Variants in ZNF462 observed in about 807,000 individuals in gnomAD.
The protein encoded by ZNF462 is zinc finger protein 462, also known as zinc finger PBX1-interacting protein.
ZNF462 carries 10 observed loss-of-function variants against 201.9 expected under a neutral mutation model. The observed-to-expected ratio is 0.05, with a 90% confidence interval of 0.03 to 0.08. The LOEUF (loss-of-function observed/expected upper bound fraction) is 0.08, where lower values mean the gene tolerates loss of function less well. ZNF462 is among the 10% of genes least tolerant of loss of function. ZNF462 has a pLI of 1.00. For synonymous variants in ZNF462, 1,227 were observed against 1,193.3 expected (o/e 1.03, Z -0.58); for missense variants, 2,523 against 3,168.3 (o/e 0.80, Z 4.89).
intron 7 of ZNF462, among the ~76,000 whole-genome samples, chr9:106,965,712 G>C (rs1006393069): frequency 6.6e-6 from 1 of 152,046 alleles, no homozygotes. Context: ...GAGTCCATCA[G>C]ACACAAAGCT....
chr9:106,894,244 A>G (rs750124603), intron 1 of ZNF462, among the ~76,000 whole-genome samples: 1 of 152,154 alleles, frequency 6.6e-6, no homozygotes, highest in Non-Finnish European at 1.5e-5. Flanking sequence ...GTTCAAAACA[A>G]CCCTTGTTGG....
In ZNF462 at chr9:106,972,225, G is replaced by C; in HGVS notation, c.6648G>C (p.Gly2216=). The change falls in exon 8 of 13, where the codon GGG becomes GGC. Residue 2216 remains glycine, a synonymous_variant. Coordinates refer to ENST00000277225, the MANE Select transcript of ZNF462 (RefSeq NM_021224.6). This position sits in a 1 kb window ranked among gnomAD's most constrained non-coding sequence, Gnocchi z 4.8. ...GTCATTACCGGGACAAGCATGGTGG[G>C]AAGAAGCTTTTCAAGTGCAAAGACT... ...IRRHYRDKHG[G]KKLFKCKDCS... is the part of the protein sequence containing the mutation. 1 of 1,614,232 alleles carries C rather than the reference G, an allele frequency of 6.2e-7. No individual in the cohort carries two copies. Among genetic ancestry groups the C allele is most frequent in the South Asian group, 1.1e-5 (1 of 91,090 alleles).
intron 7 of ZNF462, among the ~76,000 whole-genome samples, chr9:106,971,206 A>T (rs1546484): frequency 0.25 from 38,019 of 151,304 alleles, 6,931 homozygotes; most frequent in African/African-American, 0.52. Flanking sequence ...TTTTTTTTTT[A>T]AATTTGGTTG....
chr9:106,958,183 C>A (rs1447251136), intron 7 of ZNF462, among the ~76,000 whole-genome samples: 4 of 151,810 alleles, frequency 2.6e-5, no homozygotes, highest in Non-Finnish European at 4.4e-5. Context: ...AGTGGGAATG[C>A]ATTTCTACCA....
intron 10 of ZNF462, among the ~76,000 whole-genome samples, chr9:106,990,948 G>T (rs1219456511): frequency 6.6e-6 from 1 of 152,008 alleles, no homozygotes; most frequent in Non-Finnish European, 1.5e-5. Flanking sequence ...TCATTTGTTA[G>T]GGGGAAAGAT....
intron 1 of ZNF462, among the ~76,000 whole-genome samples, chr9:106,903,099 CCTTTG>C (rs1201419934): frequency 6.6e-6 from 1 of 152,060 alleles, no homozygotes; most frequent in Non-Finnish European, 1.5e-5. Flanking sequence ...CTTAGCACCA[CCTTTG>C]CTTTGTCCCA....
At chr9:106,912,062 G>A (rs1829573065) in intron 1 of ZNF462, among the ~76,000 whole-genome samples, 1 of 152,104 alleles carries the variant, frequency 6.6e-6, no homozygotes, top group Non-Finnish European at 1.5e-5. Flanking sequence ...ACATTCGTAA[G>A]GCTGACTACT....
In ZNF462 at chr9:106,930,961, G is replaced by T; in HGVS notation, c.6012+272G>T. 1 of 339,856 alleles carries T rather than the reference G, an allele frequency of 2.9e-6. No homozygotes were observed. Among genetic ancestry groups the T allele is most frequent in the East Asian group, 5.5e-5 (1 of 18,084 alleles). The allele number at this position is 339,856 out of a possible 1,614,324, so 21.1% of individuals were successfully genotyped here. A position where few individuals can be genotyped will look rare whatever the true frequency, so the allele number is the denominator to read the frequency against. On this transcript the variant is annotated intron_variant, in intron 4 of 12. Coordinates refer to ENST00000277225, the MANE Select transcript of ZNF462 (RefSeq NM_021224.6). The surrounding 1 kb of genome is among the most constrained non-coding windows in gnomAD (Gnocchi z 5.8). ...AGGATTCTCGGTCTAGGAGGCTTCG[G>T]GTCGTCCTTCTATTCTGCGTTTAGT...
chr9:106,945,210 G>A (rs918165362), intron 7 of ZNF462, among the ~76,000 whole-genome samples: 1 of 152,128 alleles, frequency 6.6e-6, no homozygotes, highest in African/African-American at 2.4e-5. Flanking sequence ...GAAATGTAAG[G>A]TATCAGATGA....
Position 107,003,503 on chromosome 9 carries a change from T to C in ZNF462, c.7189+77T>C. On this transcript the variant is annotated intron_variant, in intron 11 of 12. Transcript: ENST00000277225. This position sits in a 1 kb window ranked among gnomAD's most constrained non-coding sequence, Gnocchi z 4.4. ...GTGAGACAGAAGGGAGGCAGGAGGTTGTTGTAGGAGTAACAGAAGGAATGA... is the reference window on the plus strand; with the variant it reads ...GTGAGACAGAAGGGAGGCAGGAGGTCGTTGTAGGAGTAACAGAAGGAATGA... 1 of 1,529,452 alleles carries C rather than the reference T, an allele frequency of 6.5e-7. No individual in the cohort carries two copies. Among genetic ancestry groups the C allele is most frequent in the Non-Finnish European group, 8.9e-7 (1 of 1,127,122 alleles). The allele number at this position is 1,529,452 out of a possible 1,614,324, so 94.7% of individuals were successfully genotyped here. A position where few individuals can be genotyped will look rare whatever the true frequency, so the allele number is the denominator to read the frequency against.
In ZNF462 at chr9:106,950,245, T is replaced by C. The variant is rs1004269606; in HGVS notation, c.6427+11138T>C. 6.6e-5 allele frequency among the ~76,000 whole-genome samples: 10 copies of C among 152,234 alleles called. No individual in the cohort carries two copies. In the East Asian group the frequency reaches 9.6e-4, roughly 15 times the overall value. On this transcript the variant is annotated intron_variant, in intron 7 of 12. Coordinates refer to ENST00000277225, the MANE Select transcript of ZNF462 (RefSeq NM_021224.6). The surrounding 1 kb of genome is among the most constrained non-coding windows in gnomAD (Gnocchi z 4.1). ...ATAAATTTGAGCTGAGTCAGACTTA[T>C]CCCTATGTAATGTCAGTTTACACCT...
Position 106,928,868 on chromosome 9 carries a change from C to A in ZNF462, c.4956C>A (p.Ser1652=). Residue 1652 remains serine (S), a synonymous_variant, in exon 3 of 13, where the codon TCC becomes TCA. Coordinates refer to ENST00000277225, the MANE Select transcript of ZNF462 (RefSeq NM_021224.6). The surrounding 1 kb of genome is among the most constrained non-coding windows in gnomAD (Gnocchi z 9.3). ...EPVSTSHFST[S]HLVSHTVFRC... ...TGTCCACTTCTCACTTCTCTACCTC[C>A]CACCTGGTCTCCCACACTGTGTTCC... 1 of 1,614,038 alleles carries A rather than the reference C, an allele frequency of 6.2e-7. No individual in the cohort carries two copies.
chr9:106,965,208 G>A (rs574738143), intron 7 of ZNF462, among the ~76,000 whole-genome samples: 30 of 152,210 alleles, frequency 2.0e-4, no homozygotes, highest in South Asian at 1.7e-3. Flanking sequence ...CACTGGTGGC[G>A]TTGATTAAGG....
At chr9:106,956,258 A>G (rs1433555742) in intron 7 of ZNF462, among the ~76,000 whole-genome samples, 1 of 152,158 alleles carries the variant, frequency 6.6e-6, no homozygotes, top group Non-Finnish European at 1.5e-5. Context: ...CATGAAAACA[A>G]CATTAATCTC....
At position 106,924,199 on chromosome 9, in the gene ZNF462, A is replaced by T. The variant is rs1348629020; in HGVS notation, c.287A>T (p.His96Leu). ...CACAGTCCAGGATATTATGGTCAGC[A>T]TATTGCCGCTAATCCCAAACCAACA... is the stretch of plus-strand genomic sequence containing the variant. ...YGHSPGYYGQ[H>L]IAANPKPTNK... is the part of the protein sequence containing the mutation. Residue 96 changes from histidine to leucine, a missense_variant, in exon 3 of 13, where the codon CAT becomes CTT. Transcript: ENST00000277225. The surrounding 1 kb of genome is among the most constrained non-coding windows in gnomAD (Gnocchi z 6.2). The T allele has an allele frequency of 1.2e-6, 2 of 1,614,058 alleles. No homozygotes were observed. The highest frequency in any genetic ancestry group is 1.3e-5 in the African/African-American group (1 of 74,920).
intron 7 of ZNF462, among the ~76,000 whole-genome samples, chr9:106,952,215 A>C (rs773119470): frequency 6.6e-6 from 1 of 152,146 alleles, no homozygotes; most frequent in Non-Finnish European, 1.5e-5. Context: ...GCATGTCCTT[A>C]GTTAAAGCAT....
chr9:106,910,676 G>C (rs1047863966), intron 1 of ZNF462, among the ~76,000 whole-genome samples: 18 of 152,058 alleles, frequency 1.2e-4, no homozygotes, highest in Non-Finnish European at 2.6e-4. Flanking sequence ...TGGGTTTGGT[G>C]TGGCCAAACT....
At chr9:106,945,430 A>C (rs1332386728) in intron 7 of ZNF462, among the ~76,000 whole-genome samples, 2 of 152,200 alleles carry the variant, frequency 1.3e-5, no homozygotes, top group African/African-American at 4.8e-5. Context: ...AAGAGGATCC[A>C]GTTAGTTGCT....
At position 106,972,378 on chromosome 9, in the gene ZNF462, C is replaced by T. The variant is rs1826667985; in HGVS notation, c.6695+106C>T. On this transcript the variant is annotated intron_variant, in intron 8 of 12. Transcript: ENST00000277225. The surrounding 1 kb of genome is among the most constrained non-coding windows in gnomAD (Gnocchi z 4.8). ...TCCTACTTGGAGCTTATGGGAGGCCCTGCCCATGTGATGATGTAGGGGTTG... is the reference window on the plus strand; with the variant it reads ...TCCTACTTGGAGCTTATGGGAGGCCTTGCCCATGTGATGATGTAGGGGTTG... The T allele has an allele frequency of 2.0e-6, 3 of 1,472,924 alleles. No individual in the cohort carries two copies. In the African/African-American group the frequency reaches 4.2e-5, roughly 21 times the overall value. The allele number at this position is 1,472,924 out of a possible 1,614,324, so 91.2% of individuals were successfully genotyped here.
Sources: allele counts gnomAD v4.1 joint callset (sites outside exome capture counted in the v4.1 genomes callset), GRCh38; gene constraint gnomAD v4.1.1; non-coding constraint Gnocchi (gnomAD v3.1); transcripts MANE v1.5; gene names NCBI Gene and HGNC (gene_info 2026-07-23, HGNC 2026-07-21).